RPS6KC1: variants seen among roughly 807,000 people sequenced by gnomAD.
RPS6KC1 encodes the protein ribosomal protein S6 kinase C1.
Under a neutral mutation model 103.8 loss-of-function variants are expected in RPS6KC1, and 54 were observed. The observed-to-expected ratio is 0.52, with a 90% confidence interval of 0.42 to 0.65. RPS6KC1 has a LOEUF of 0.65. Among genes scored for constraint, RPS6KC1 ranks in the 30% least tolerant of loss-of-function variants. RPS6KC1 has a pLI of 0.00. For synonymous variants in RPS6KC1, 439 were observed against 438.7 expected (o/e 1.00, Z -0.01); for missense variants, 1,151 against 1,253.8 (o/e 0.92, Z 1.24).
chr1:213,180,381 A>G (rs1333706815), intron 8 of RPS6KC1, among the ~76,000 whole-genome samples: 1 of 152,232 alleles, frequency 6.6e-6, no homozygotes, highest in Non-Finnish European at 1.5e-5. Flanking sequence ...GGATATAACT[A>G]GAACCAAATT....
the RPS6KC1 span, among the ~76,000 whole-genome samples, chr1:213,517,116 G>C: frequency 1.7e-3 from 256 of 152,038 alleles, 1 homozygote; most frequent in Non-Finnish European, 3.3e-3. Flanking sequence ...ATTCTTCTCT[G>C]TTTTCTTCTG....
At chr1:213,703,924 C>T in the RPS6KC1 span, among the ~76,000 whole-genome samples, 1 of 152,160 alleles carries the variant, frequency 6.6e-6, no homozygotes, top group Non-Finnish European at 1.5e-5. Flanking sequence ...CTATTCCTGT[C>T]TCATTCTCTA....
the RPS6KC1 span, among the ~76,000 whole-genome samples, chr1:213,666,016 A>G: frequency 4.4e-3 from 665 of 152,362 alleles, 7 homozygotes; most frequent in African/African-American, 0.015. Flanking sequence ...TGTAAAATAT[A>G]TAATGTTATG....
the RPS6KC1 span, among the ~76,000 whole-genome samples, chr1:213,760,251 A>G: frequency 3.9e-5 from 6 of 152,174 alleles, no homozygotes; most frequent in Non-Finnish European, 8.8e-5. Context: ...ACACATACAT[A>G]CACACACACC....
chr1:213,602,060 T>TTC, the RPS6KC1 span, among the ~76,000 whole-genome samples: 64 of 47,208 alleles, frequency 1.4e-3, 4 homozygotes, highest in African/African-American at 4.3e-3. Context: ...TTCTTTCTCT[T>TTC]TCTTTCTTTC....
the RPS6KC1 span, among the ~76,000 whole-genome samples, chr1:213,783,614 C>T: frequency 6.6e-6 from 1 of 151,714 alleles, no homozygotes; most frequent in Non-Finnish European, 1.5e-5. Context: ...GAAAAAGTGG[C>T]GGTAGTTTGA....
chr1:213,602,900 C>T, the RPS6KC1 span, among the ~76,000 whole-genome samples: 2 of 152,108 alleles, frequency 1.3e-5, no homozygotes, highest in Non-Finnish European at 2.9e-5. Context: ...ATCAGAGCCA[C>T]ATGGTCTGTT....
At chr1:213,539,011 TA>T in the RPS6KC1 span, among the ~76,000 whole-genome samples, 1 of 152,176 alleles carries the variant, frequency 6.6e-6, no homozygotes, top group African/African-American at 2.4e-5. Flanking sequence ...GGTGACTGAC[TA>T]AAGGACACAG....
At chr1:213,811,982 T>C in the RPS6KC1 span, among the ~76,000 whole-genome samples, 1 of 152,222 alleles carries the variant, frequency 6.6e-6, no homozygotes, top group Non-Finnish European at 1.5e-5. Flanking sequence ...AATTAGATAG[T>C]TTTATTGTGT....
intron 9 of RPS6KC1, 142 bp from the exon 10 acceptor site, chr1:213,231,981 T>C: frequency 2.0e-6 from 2 of 991,994 alleles, no homozygotes; most frequent in African/African-American, 3.2e-5. Flanking sequence ...CTGGGGGGCA[T>C]AGAGCAGCAG....
intron 8 of RPS6KC1, among the ~76,000 whole-genome samples, chr1:213,205,547 G>GATATATATATATAT (rs764745657): frequency 6.8e-5 from 7 of 102,442 alleles, no homozygotes; most frequent in South Asian, 3.2e-4. Flanking sequence ...TATATATATA[G>GATATATATATATAT]ATATATATAT....
intron 5 of RPS6KC1, among the ~76,000 whole-genome samples, chr1:213,117,948 G>A (rs781456598): frequency 2.1e-5 from 3 of 145,418 alleles, no homozygotes; most frequent in Non-Finnish European, 4.5e-5. Context: ...CTTGAACCTG[G>A]GAGGTGGAGT....
chr1:213,449,881 C>T, the RPS6KC1 span, among the ~76,000 whole-genome samples: 2 of 152,304 alleles, frequency 1.3e-5, no homozygotes, highest in Middle Eastern at 3.4e-3. Context: ...GATTGCTCTT[C>T]ACCTCCTATT....
chr1:213,539,496 G>T, the RPS6KC1 span, among the ~76,000 whole-genome samples: 4 of 152,212 alleles, frequency 2.6e-5, no homozygotes, highest in Non-Finnish European at 4.4e-5. Flanking sequence ...TGTGGGTCCT[G>T]CTCCAGACTG....
chr1:213,572,441 A>G, the RPS6KC1 span, among the ~76,000 whole-genome samples: 2 of 152,242 alleles, frequency 1.3e-5, no homozygotes, highest in African/African-American at 2.4e-5. Flanking sequence ...AAGCACATTC[A>G]TCTTTGATAA....
At chr1:213,581,823 C>G in the RPS6KC1 span, among the ~76,000 whole-genome samples, 1 of 152,072 alleles carries the variant, frequency 6.6e-6, no homozygotes, top group Non-Finnish European at 1.5e-5. Flanking sequence ...CTTTTTCAGG[C>G]TTCTGTGCCT....
chr1:213,370,287 T>TTTTA, the RPS6KC1 span, among the ~76,000 whole-genome samples: 3 of 127,520 alleles, frequency 2.4e-5, no homozygotes, highest in African/African-American at 1.0e-4. Context: ...ATTTTATTTT[T>TTTTA]TTTGCATGTA....
intron 6 of RPS6KC1, among the ~76,000 whole-genome samples, chr1:213,158,921 TC>T (rs1365365020): frequency 1.3e-5 from 2 of 152,154 alleles, no homozygotes; most frequent in East Asian, 3.8e-4. Flanking sequence ...GGAATGTCTA[TC>T]TGGGAATGAT....
intron 12 of RPS6KC1, among the ~76,000 whole-genome samples, chr1:213,254,941 T>TAA (rs1487118853): frequency 6.6e-6 from 1 of 152,022 alleles, no homozygotes; most frequent in Non-Finnish European, 1.5e-5. Context: ...CTTAACACCT[T>TAA]GTGTTTTATA....
Sources: allele counts gnomAD v4.1 joint callset (sites outside exome capture counted in the v4.1 genomes callset), GRCh38; gene constraint gnomAD v4.1.1; transcripts MANE v1.5; gene names NCBI Gene and HGNC (gene_info 2026-07-23, HGNC 2026-07-21).